The following ERBIN variants were observed in gnomAD, a reference collection of about 807,000 sequenced individuals.
The protein encoded by ERBIN is erbb2 interacting protein.
A neutral mutation model predicts 158.4 loss-of-function variants in ERBIN; 60 were observed. The observed-to-expected ratio is 0.38, with a 90% CI of 0.31 to 0.47. The LOEUF is 0.47. Ranked by LOEUF, ERBIN falls within the 20% of genes least tolerant of loss-of-function variation. ERBIN has a pLI of 0.99. For missense variants in ERBIN, 1,610 were observed against 1,648.0 expected (o/e 0.98, Z 0.40); for synonymous variants, 594 against 557.2 (o/e 1.07, Z -0.93).
At chr5:66,018,319 T>C (rs1333488677) in intron 7 of ERBIN, among the ~76,000 whole-genome samples, 3 of 145,564 alleles carry the variant, frequency 2.1e-5, no homozygotes, top group Non-Finnish European at 3.0e-5. Flanking sequence ...TTCCATTTTT[T>C]TGTGTCCTCT....
intron 21 of ERBIN, chr5:66,069,098 G>A: frequency 7.6e-7 from 1 of 1,321,398 alleles, no homozygotes; most frequent in South Asian, 1.9e-5. Context: ...AATGTTTCCA[G>A]GAAAAAAAAT....
chr5:66,069,930 C>G (rs1280415507), intron 21 of ERBIN, among the ~76,000 whole-genome samples: 1 of 152,122 alleles, frequency 6.6e-6, no homozygotes, highest in African/African-American at 2.4e-5. Context: ...TCTGGCTGTA[C>G]CTGACCTAGA....
At chr5:65,962,355 A>T (rs1748015951) in intron 1 of ERBIN, among the ~76,000 whole-genome samples, 1 of 152,214 alleles carries the variant, frequency 6.6e-6, no homozygotes, top group Admixed American at 6.5e-5. Context: ...GTCAGAATCC[A>T]TCCATAAGGC....
intron 6 of ERBIN, among the ~76,000 whole-genome samples, chr5:66,014,228 TCTG>T (rs1467621046): frequency 6.6e-6 from 1 of 152,200 alleles, no homozygotes; most frequent in Non-Finnish European, 1.5e-5. Flanking sequence ...CATCACTTAA[TCTG>T]CTCATTTTCT....
chr5:65,977,470 A>T (rs1750090970), intron 1 of ERBIN, among the ~76,000 whole-genome samples: 1 of 145,810 alleles, frequency 6.9e-6, no homozygotes, highest in East Asian at 2.1e-4. Context: ...GGGTCTCCTC[A>T]CTTCTCAGAC....
intron 7 of ERBIN, among the ~76,000 whole-genome samples, chr5:66,019,259 G>C (rs1293119964): frequency 6.6e-6 from 1 of 152,096 alleles, no homozygotes; most frequent in Non-Finnish European, 1.5e-5. Context: ...ATAGTTTTAA[G>C]TATTACAAAG....
chr5:65,995,651 A>T (rs1470464332), intron 4 of ERBIN, among the ~76,000 whole-genome samples: 1 of 152,078 alleles, frequency 6.6e-6, no homozygotes, highest in East Asian at 1.9e-4. Context: ...CAGTAGTGGG[A>T]TTGCTGGATC....
At chr5:65,934,141 C>T (rs1743787897) in intron 1 of ERBIN, among the ~76,000 whole-genome samples, 1 of 152,202 alleles carries the variant, frequency 6.6e-6, no homozygotes, top group Non-Finnish European at 1.5e-5. Context: ...CATGATTTGC[C>T]TGCCTTGGCC....
At chr5:65,987,114 A>G (rs1231511839) in intron 1 of ERBIN, among the ~76,000 whole-genome samples, 1 of 152,030 alleles carries the variant, frequency 6.6e-6, no homozygotes, top group Non-Finnish European at 1.5e-5. Context: ...CCGGCACTTC[A>G]CCCCCAAAGC....
chr5:66,030,142 A>C (rs536083156), intron 14 of ERBIN, among the ~76,000 whole-genome samples: 1 of 151,638 alleles, frequency 6.6e-6, no homozygotes, highest in Non-Finnish European at 1.5e-5. Context: ...GGGCTCAAGC[A>C]ATTCTCCTGC....
chr5:66,030,350 G>A (rs1756734805), intron 14 of ERBIN, among the ~76,000 whole-genome samples: 1 of 151,978 alleles, frequency 6.6e-6, no homozygotes, highest in Admixed American at 6.6e-5. Context: ...CTTTACTGGA[G>A]CTTTTTAACA....
At chr5:66,043,284 A>T (rs1343097224) in intron 16 of ERBIN, 86 bp downstream of exon 16, 2 of 1,322,358 alleles carry the variant, frequency 1.5e-6, no homozygotes, top group African/African-American at 1.5e-5. Context: ...GTCTGGGGAT[A>T]TAACAAAGTA....
chr5:65,995,162 TTTG>T (rs1164772370), intron 4 of ERBIN, among the ~76,000 whole-genome samples: 1 of 152,174 alleles, frequency 6.6e-6, no homozygotes, highest in Non-Finnish European at 1.5e-5. Flanking sequence ...AAGGGATTTT[TTTG>T]TTGTTGTTTT....
In ERBIN at chr5:65,965,256, G is replaced by T. The variant is rs1748432043; in HGVS notation, c.-57-23379G>T. 3.3e-5 allele frequency among the ~76,000 whole-genome samples: 5 copies of T among 151,662 alleles called. No individual in the cohort carries two copies. The South Asian group carries it at 1.0e-3, about 31-fold the overall frequency. On this transcript the variant is annotated intron_variant, in intron 1 of 25. Coordinates refer to ENST00000284037, the MANE Select transcript of ERBIN (RefSeq NM_001253697.2). Reference sequence around the variant, plus strand: ...GATGTCATCTTACATAATTGTTTCTGTGTTCATTATGTGGTGGTCACACTG... The same window carrying T: ...GATGTCATCTTACATAATTGTTTCTTTGTTCATTATGTGGTGGTCACACTG...
chr5:65,963,257 G>A (rs182765509), intron 1 of ERBIN, among the ~76,000 whole-genome samples: 2 of 152,162 alleles, frequency 1.3e-5, no homozygotes, highest in Admixed American at 6.5e-5. Flanking sequence ...TGCATTGGTT[G>A]TTATTATTTG....
chr5:65,938,774 A>G (rs1744404140), intron 1 of ERBIN, among the ~76,000 whole-genome samples: 1 of 151,986 alleles, frequency 6.6e-6, no homozygotes, highest in Non-Finnish European at 1.5e-5. Flanking sequence ...GCTGATCTCG[A>G]ACTCCTGACC....
At chr5:65,934,375 A>G (rs1057410889) in intron 1 of ERBIN, among the ~76,000 whole-genome samples, 3 of 152,098 alleles carry the variant, frequency 2.0e-5, no homozygotes, top group African/African-American at 7.2e-5. Flanking sequence ...CATGTGTTAC[A>G]TTTTGTTGTC....
chr5:66,001,866 ATAC>A (rs1301796834), intron 4 of ERBIN, among the ~76,000 whole-genome samples: 4 of 152,050 alleles, frequency 2.6e-5, no homozygotes, highest in Non-Finnish European at 2.9e-5. Flanking sequence ...TTACATAGGT[ATAC>A]ACGTGCCATG....
chr5:66,007,280 A>G (rs539554507), intron 4 of ERBIN, among the ~76,000 whole-genome samples: 5 of 152,170 alleles, frequency 3.3e-5, no homozygotes, highest in African/African-American at 9.7e-5. Context: ...TCAGAAAACT[A>G]TCACAGGGAC....
Sources: allele counts gnomAD v4.1 joint callset (sites outside exome capture counted in the v4.1 genomes callset), GRCh38; gene constraint gnomAD v4.1.1; transcripts MANE v1.5; gene names NCBI Gene and HGNC (gene_info 2026-07-23, HGNC 2026-07-21).